FRYL: variants seen among roughly 807,000 people sequenced by gnomAD.
FRYL encodes the protein FRY like transcription coactivator, also known as protein furry homolog-like.
FRYL carries 150 observed loss-of-function variants against 351.2 expected under a neutral mutation model. The observed-to-expected ratio is 0.43, with a 90% CI of 0.37 to 0.49. The LOEUF is 0.49. Ranked by LOEUF, FRYL falls within the 20% of genes least tolerant of loss-of-function variation. The pLI, the probability that FRYL is intolerant of heterozygous loss-of-function variation, is 0.00. For synonymous variants in FRYL, 1,153 were observed against 1,257.1 expected (o/e 0.92, Z 1.75); for missense variants, 3,036 against 3,619.3 (o/e 0.84, Z 4.13).
chr4:48,565,148 C>A, intron 29 of FRYL, 105 bp from the exon 30 acceptor site: 2 of 558,996 alleles, frequency 3.6e-6, no homozygotes, highest in South Asian at 3.9e-5. Flanking sequence ...ATACTTTAAT[C>A]TTTTTTCTTT....
At position 48,499,113 on chromosome 4, in the gene FRYL, A is replaced by G. The variant is rs1302411328; in HGVS notation, c.*309T>C. ...GGCCATTATTGCAAACATTCTTGGA[A>G]TTCTTTTCTTTCCCCAGAAAGTAAT... On this transcript the variant is annotated 3_prime_UTR_variant, in exon 64 of 64. Transcript: ENST00000358350. 4.3e-6 allele frequency: 1 copy of G among 231,760 alleles called. No homozygotes were observed. The highest frequency in any genetic ancestry group is 8.5e-6 in the Non-Finnish European group (1 of 117,376). The allele number at this position is 231,760 out of a possible 1,614,324, so 14.4% of individuals were successfully genotyped here.
intron 19 of FRYL, among the ~76,000 whole-genome samples, chr4:48,586,054 A>C (rs1312606574): frequency 6.6e-6 from 1 of 152,178 alleles, no homozygotes; most frequent in African/African-American, 2.4e-5. Flanking sequence ...TACATCAACA[A>C]AGCAGTTTTT....
intron 7 of FRYL, among the ~76,000 whole-genome samples, chr4:48,615,335 G>A (rs905979034): frequency 1.3e-5 from 2 of 152,164 alleles, no homozygotes; most frequent in African/African-American, 4.8e-5. Context: ...GTCTGAAAAT[G>A]CAAATAATCT....
At chr4:48,743,570 C>T (rs1560343858) in intron 1 of FRYL, among the ~76,000 whole-genome samples, 1 of 152,142 alleles carries the variant, frequency 6.6e-6, no homozygotes, top group Non-Finnish European at 1.5e-5. Flanking sequence ...TACTTTTCTA[C>T]CTTTAAACAT....
At chr4:48,617,067 A>G (rs1426993555) in intron 7 of FRYL, among the ~76,000 whole-genome samples, 1 of 152,194 alleles carries the variant, frequency 6.6e-6, no homozygotes, top group Non-Finnish European at 1.5e-5. Flanking sequence ...TTAGATGAAT[A>G]AAGTGTATCT....
At chr4:48,619,072 T>C (rs1167193664) in intron 7 of FRYL, 4 of 424,524 alleles carry the variant, frequency 9.4e-6, no homozygotes, top group South Asian at 6.5e-5. Context: ...TGGATAAGCA[T>C]ACAAAGGTAA....
chr4:48,581,894 G>A (rs1740990289), intron 20 of FRYL, among the ~76,000 whole-genome samples: 1 of 152,132 alleles, frequency 6.6e-6, no homozygotes, highest in Admixed American at 6.6e-5. Context: ...GGAAAATGAG[G>A]GGATTGTAGT....
intron 49 of FRYL, 61 bp from the exon 50 acceptor site, chr4:48,531,414 AT>A: frequency 1.0e-6 from 1 of 977,708 alleles, no homozygotes; most frequent in Non-Finnish European, 1.6e-6. Context: ...AAGAACAACA[AT>A]TTACTGTACA....
intron 16 of FRYL, among the ~76,000 whole-genome samples, chr4:48,592,114 A>ATATATATATATATATATAT (rs1272210127): frequency 1.5e-5 from 2 of 136,900 alleles, no homozygotes; most frequent in African/African-American, 2.9e-5. Flanking sequence ...ATATATATAT[A>ATATATATATATATATATAT]TTTTATCTAA....
chr4:48,670,367 A>C (rs1199747704), intron 3 of FRYL, among the ~76,000 whole-genome samples: 1 of 151,830 alleles, frequency 6.6e-6, no homozygotes, highest in Non-Finnish European at 1.5e-5. Context: ...CGAGAGGAGG[A>C]GGCTGCAGTG....
intron 37 of FRYL, among the ~76,000 whole-genome samples, chr4:48,550,928 C>T (rs1231382675): frequency 4.6e-5 from 7 of 151,956 alleles, no homozygotes; most frequent in Admixed American, 2.0e-4. Flanking sequence ...AAAAATTAGC[C>T]GAGCGTGGTG....
intron 62 of FRYL, among the ~76,000 whole-genome samples, chr4:48,501,397 G>A (rs1420609090): frequency 1.3e-5 from 2 of 152,102 alleles, no homozygotes; most frequent in Admixed American, 6.5e-5. Flanking sequence ...GTCTACTATG[G>A]AAACCTTTAA....
intron 13 of FRYL, among the ~76,000 whole-genome samples, chr4:48,597,308 T>C (rs1190061888): frequency 6.6e-6 from 1 of 152,172 alleles, no homozygotes; most frequent in Non-Finnish European, 1.5e-5. Flanking sequence ...GAAAATACTC[T>C]GCATGATACT....
chr4:48,760,341 T>C (rs1774275038), intron 1 of FRYL, among the ~76,000 whole-genome samples: 1 of 152,206 alleles, frequency 6.6e-6, no homozygotes, highest in Non-Finnish European at 1.5e-5. Context: ...TCTTTGCTGT[T>C]ATATAGAAAT....
At chr4:48,547,990 T>A (rs1349954778) in intron 40 of FRYL, among the ~76,000 whole-genome samples, 1 of 152,158 alleles carries the variant, frequency 6.6e-6, no homozygotes, top group African/African-American at 2.4e-5. Flanking sequence ...GTGTTTCATG[T>A]CTAAAATTTA....
intron 1 of FRYL, among the ~76,000 whole-genome samples, chr4:48,738,055 G>C (rs1282966479): frequency 6.6e-6 from 1 of 152,082 alleles, no homozygotes; most frequent in African/African-American, 2.4e-5. Context: ...ACAAGACAAT[G>C]GTGTCCCCTC....
At chr4:48,770,484 T>C (rs554398870) in intron 1 of FRYL, among the ~76,000 whole-genome samples, 1 of 152,146 alleles carries the variant, frequency 6.6e-6, no homozygotes, top group Non-Finnish European at 1.5e-5. Context: ...GTTGCCCAGT[T>C]TGGAGTGCAA....
Position 48,603,079 on chromosome 4 carries a change from CA to C in FRYL, c.933+210del, listed in dbSNP as rs142588524. On this transcript the variant is annotated intron_variant, in intron 12 of 63. Transcript: ENST00000358350. ...ATGACTACCTAGAAGGAAGTCTGAA[CA>C]ACTCAACAAATGCAGAGCTAGTAAA... 1.1e-3 allele frequency among the ~76,000 whole-genome samples: 175 copies of C among 152,284 alleles called. No homozygotes were observed. The East Asian group carries it at 0.03, about 26-fold the overall frequency.
intron 1 of FRYL, among the ~76,000 whole-genome samples, chr4:48,721,781 C>T (rs1345299026): frequency 1.3e-5 from 2 of 152,118 alleles, no homozygotes; most frequent in Non-Finnish European, 2.9e-5. Flanking sequence ...GCTGGAATTA[C>T]AGGCACCCGC....
Sources: allele counts gnomAD v4.1 joint callset (sites outside exome capture counted in the v4.1 genomes callset), GRCh38; gene constraint gnomAD v4.1.1; transcripts MANE v1.5; gene names NCBI Gene and HGNC (gene_info 2026-07-23, HGNC 2026-07-21).